CELF4: variants seen among roughly 807,000 people sequenced by gnomAD.
CELF4 encodes the protein CUGBP Elav-like family member 4.
CELF4 carries 18 observed loss-of-function variants against 59.9 expected under a neutral mutation model. That is an observed-to-expected ratio of 0.30 (90% confidence interval 0.21 to 0.45). CELF4 has a LOEUF of 0.45. Among genes scored for constraint, CELF4 ranks in the 20% least tolerant of loss-of-function variants. The probability of loss-of-function intolerance (pLI) is 1.00; values close to 1 mark genes in which losing one functional copy is unlikely to be tolerated. For synonymous variants in CELF4, 261 were observed against 267.1 expected, an observed-to-expected ratio of 0.98 and a Z score of 0.22; for missense variants, 456 against 689.0, an observed-to-expected ratio of 0.66 and a Z score of 3.79.
intron 1 of CELF4, among the ~76,000 whole-genome samples, chr18:37,524,621 G>T (rs112830319): frequency 6.6e-6 from 1 of 152,216 alleles, no homozygotes. Flanking sequence ...CGGAGCAGCC[G>T]TAGGAAATAT....
chr18:37,478,742 A>T (rs953010621), intron 2 of CELF4, among the ~76,000 whole-genome samples: 1 of 152,222 alleles, frequency 6.6e-6, no homozygotes, highest in African/African-American at 2.4e-5. Context: ...GGCATCACAG[A>T]TGTAGCCCCT....
chr18:37,489,289 G>A (rs2099891644), intron 1 of CELF4, among the ~76,000 whole-genome samples: 1 of 152,256 alleles, frequency 6.6e-6, no homozygotes, highest in African/African-American at 2.4e-5. Context: ...TTCAAAAGAA[G>A]GGACCAGTCT....
chr18:37,499,891 G>A (rs1401770894), intron 1 of CELF4, among the ~76,000 whole-genome samples: 4 of 152,198 alleles, frequency 2.6e-5, no homozygotes, highest in Admixed American at 2.6e-4. Context: ...AATGAGTGGA[G>A]GAGTGGGGCA....
chr18:37,426,904 G>A (rs1486742562), intron 2 of CELF4, among the ~76,000 whole-genome samples: 1 of 151,280 alleles, frequency 6.6e-6, no homozygotes, highest in Non-Finnish European at 1.5e-5. Context: ...CTCCCGAAAA[G>A]CGATACCAAT....
At chr18:37,538,594 C>T (rs574036335) in intron 1 of CELF4, among the ~76,000 whole-genome samples, 2 of 152,196 alleles carry the variant, frequency 1.3e-5, no homozygotes, top group Non-Finnish European at 2.9e-5. Context: ...GTTAAAATGG[C>T]TGCCTGGGAC....
At chr18:37,558,809 G>A (rs1568331284) in intron 1 of CELF4, among the ~76,000 whole-genome samples, 1 of 147,324 alleles carries the variant, frequency 6.8e-6, no homozygotes, top group African/African-American at 2.5e-5. Flanking sequence ...GTCAGGTCGT[G>A]TGTGTGTGTG....
intron 3 of CELF4, among the ~76,000 whole-genome samples, chr18:37,291,231 C>T (rs1225520965): frequency 6.6e-5 from 10 of 152,268 alleles, no homozygotes; most frequent in East Asian, 1.9e-4. Context: ...GAACATGAGT[C>T]GGCATTTCTG....
At chr18:37,484,847 CAT>C (rs1418723148) in intron 2 of CELF4, among the ~76,000 whole-genome samples, 1 of 152,180 alleles carries the variant, frequency 6.6e-6, no homozygotes, top group African/African-American at 2.4e-5. Flanking sequence ...CACAAACACA[CAT>C]CTTTCCATTT....
chr18:37,444,175 GTGAGACCCTGACCC>G (rs2099741218), intron 2 of CELF4, among the ~76,000 whole-genome samples: 1 of 152,094 alleles, frequency 6.6e-6, no homozygotes, highest in African/African-American at 2.4e-5. Context: ...CCTACTATGT[GTGAGACCCTGACCC>G]TGAGCCCATT....
chr18:37,522,129 A>AGCAT (rs1328178871), intron 1 of CELF4, among the ~76,000 whole-genome samples: 1,747 of 152,302 alleles, frequency 0.011, 35 homozygotes, highest in African/African-American at 0.04. Context: ...ATGAGATAAC[A>AGCAT]GAAGCCAGAT....
intron 2 of CELF4, among the ~76,000 whole-genome samples, chr18:37,364,025 G>A (rs947426929): frequency 7.9e-5 from 12 of 152,196 alleles, no homozygotes; most frequent in African/African-American, 2.7e-4. Context: ...GGAGAGGCCT[G>A]AAAAAGGGAT....
In CELF4 at chr18:37,253,707, G is replaced by A; in HGVS notation, c.*44+60C>T. 1 of 1,318,200 alleles carries A rather than the reference G, an allele frequency of 7.6e-7. No homozygotes were observed. Among genetic ancestry groups the A allele is most frequent in the South Asian group, 1.5e-5 (1 of 65,312 alleles). The allele number at this position is 1,318,200 out of a possible 1,614,324, so 81.7% of individuals were successfully genotyped here. On this transcript the variant is annotated intron_variant, in intron 12 of 12. Coordinates refer to ENST00000420428, the MANE Select transcript of CELF4 (RefSeq NM_020180.4). The surrounding 1 kb of genome is among the most constrained non-coding windows in gnomAD (Gnocchi z 4.5). ...CCGGCCCACGGAGGCCGGAGGAGGCGGCGGGTCCGTCTGGTTCCCTCCCAA... is the reference window on the plus strand; with the variant it reads ...CCGGCCCACGGAGGCCGGAGGAGGCAGCGGGTCCGTCTGGTTCCCTCCCAA...
At chr18:37,351,598 T>C (rs557313027) in intron 2 of CELF4, among the ~76,000 whole-genome samples, 1 of 130,602 alleles carries the variant, frequency 7.7e-6, no homozygotes, top group Non-Finnish European at 1.6e-5. Flanking sequence ...TTTCTTTTCT[T>C]TTTCTTCTTC....
intron 2 of CELF4, among the ~76,000 whole-genome samples, chr18:37,323,605 G>A (rs1446761588): frequency 6.6e-6 from 1 of 152,026 alleles, no homozygotes; most frequent in Non-Finnish European, 1.5e-5. Flanking sequence ...CCTTTCCTAG[G>A]CTGCCATGTC....
intron 3 of CELF4, among the ~76,000 whole-genome samples, chr18:37,312,725 G>A (rs944119583): frequency 1.3e-5 from 2 of 152,158 alleles, no homozygotes; most frequent in African/African-American, 2.4e-5. Context: ...ATAGGGTAGG[G>A]GTAGGGTAGA....
chr18:37,301,124 C>T lies in CELF4; in HGVS notation c.448+20679G>A, dbSNP rs79170183. Among the ~76,000 whole-genome samples, 908 of 152,254 alleles carry T rather than the reference C, an allele frequency of 6.0e-3. 6 individuals are homozygous for T. The highest frequency in any genetic ancestry group is 0.021 in the African/African-American group (883 of 41,552). ...GCAGTTGTCCAGGAGACAGAGGATA[C>T]TCCAAGTGGGCAGGGATGGAGGAGA... is the stretch of plus-strand genomic sequence containing the variant. On this transcript the variant is annotated intron_variant, in intron 3 of 12. Coordinates refer to ENST00000420428, the MANE Select transcript of CELF4 (RefSeq NM_020180.4).
chr18:37,411,702 G>A (rs1287739394), intron 2 of CELF4, among the ~76,000 whole-genome samples: 1 of 152,220 alleles, frequency 6.6e-6, no homozygotes, highest in Admixed American at 6.5e-5. Context: ...CACCAGGCAG[G>A]GCTCTCCCCA....
In CELF4 at chr18:37,275,131, G is replaced by C. The variant is rs756060425; in HGVS notation, c.561C>G (p.Pro187=). The change falls in exon 4 of 13, where the codon CCC becomes CCG. Residue 187 remains proline, a synonymous_variant. Transcript: ENST00000420428. ...NIEECTILRG[P]DGNSKGCAFV... Reference sequence around the variant, plus strand: ...CCCGCGCACCCTTGCTGTTGCCGTCGGGCCCGCGCAGGATGGTGCACTCCT... The same window carrying C: ...CCCGCGCACCCTTGCTGTTGCCGTCCGGCCCGCGCAGGATGGTGCACTCCT... The C allele has an allele frequency of 3.1e-6, 5 of 1,613,178 alleles. No homozygotes were observed. Among genetic ancestry groups the C allele is most frequent in the African/African-American group, 1.3e-5 (1 of 74,896 alleles).
intron 2 of CELF4, among the ~76,000 whole-genome samples, chr18:37,452,842 C>G (rs1268938171): frequency 6.6e-6 from 1 of 152,214 alleles, no homozygotes; most frequent in East Asian, 1.9e-4. Context: ...AGCCACATCT[C>G]TGGCTGAGAT....
Sources: allele counts gnomAD v4.1 joint callset (sites outside exome capture counted in the v4.1 genomes callset), GRCh38; gene constraint gnomAD v4.1.1; non-coding constraint Gnocchi (gnomAD v3.1); transcripts MANE v1.5; gene names NCBI Gene and HGNC (gene_info 2026-07-23, HGNC 2026-07-21).